Variants in SUPT16H observed in about 807,000 individuals in gnomAD.
The protein encoded by SUPT16H is SPT16 homolog, facilitates chromatin remodeling subunit.
SUPT16H carries 24 observed loss-of-function variants against 136.2 expected under a neutral mutation model. That is an observed-to-expected ratio of 0.18 (90% CI 0.13 to 0.25). SUPT16H has a LOEUF of 0.25. Among genes scored for constraint, SUPT16H ranks in the 10% least tolerant of loss-of-function variants. SUPT16H has a pLI of 1.00. For synonymous variants in SUPT16H, 415 were observed against 428.2 expected, an observed-to-expected ratio of 0.97 and a Z score of 0.38; for missense variants, 623 against 1,270.2, an observed-to-expected ratio of 0.49 and a Z score of 7.74.
At chr14:21,358,257 A>G (rs1181363084) in intron 20 of SUPT16H, 58 bp downstream of exon 20, 1 of 1,087,186 alleles carries the variant, frequency 9.2e-7, no homozygotes, top group African/African-American at 1.6e-5. Context: ...AGGAAGAATA[A>G]TTTATTGTAC....
Position 21,360,907 on chromosome 14 carries a change from T to C in SUPT16H, c.1995A>G (p.Leu665=). 6.2e-7 allele frequency: 1 copy of C among 1,614,226 alleles called. No homozygotes were observed. The highest frequency in any genetic ancestry group is 8.5e-7 in the Non-Finnish European group (1 of 1,180,038). The change falls in exon 17 of 26, where the codon CTA becomes CTG. Residue 665 remains leucine (L), a synonymous_variant. Coordinates refer to ENST00000216297, the MANE Select transcript of SUPT16H (RefSeq NM_007192.4). ...LNRSNPKLKD[L]YIRPNIAQKR... ...TTTGGGCAATATTTGGGCGAATGTATAGATCTTTCAGTTTCGGATTACTCC... is the reference window on the plus strand; with the variant it reads ...TTTGGGCAATATTTGGGCGAATGTACAGATCTTTCAGTTTCGGATTACTCC...
intron 15 of SUPT16H, among the ~76,000 whole-genome samples, chr14:21,361,776 T>A (rs12587448): frequency 0.35 from 52,956 of 151,682 alleles, 10,386 homozygotes; most frequent in South Asian, 0.53. Context: ...CATAATTATT[T>A]TTTTTTTGAG....
In SUPT16H at chr14:21,357,913, TAAG is replaced by T. The variant is rs748816762; in HGVS notation, c.2490+11_2490+13del. 1.2e-6 allele frequency: 2 copies of T among 1,610,772 alleles called. No homozygotes were observed. Among genetic ancestry groups the T allele is most frequent in the Non-Finnish European group, 1.7e-6 (2 of 1,177,606 alleles). On this transcript the variant is annotated intron_variant, in intron 21 of 25. Coordinates refer to ENST00000216297, the MANE Select transcript of SUPT16H (RefSeq NM_007192.4). ...TAACAATTTTCTTACTAAAAGAAAGTAAGAAACACTCACCCATTCCGTAGCATT... is the reference window on the plus strand; with the variant it reads ...TAACAATTTTCTTACTAAAAGAAAGTAAACACTCACCCATTCCGTAGCATT...
intron 1 of SUPT16H, among the ~76,000 whole-genome samples, chr14:21,382,462 G>A (rs548982183): frequency 6.6e-6 from 1 of 152,302 alleles, no homozygotes; most frequent in African/African-American, 2.4e-5. Flanking sequence ...GGAAGTGAGA[G>A]CTATAGATTA....
intron 1 of SUPT16H, among the ~76,000 whole-genome samples, chr14:21,378,199 T>C (rs184187412): frequency 6.6e-6 from 1 of 152,188 alleles, no homozygotes; most frequent in East Asian, 1.9e-4. Context: ...AGGTTGCTCT[T>C]AAGAAACAGA....
intron 1 of SUPT16H, 76 bp downstream of exon 1, chr14:21,383,786 A>T (rs1292895447): frequency 6.4e-7 from 1 of 1,556,226 alleles, no homozygotes; most frequent in South Asian, 1.1e-5. Flanking sequence ...GAAAGAGAAA[A>T]AAGGGCGCCG....
intron 22 of SUPT16H, among the ~76,000 whole-genome samples, chr14:21,355,291 G>A (rs1215655477): frequency 2.6e-5 from 4 of 151,940 alleles, no homozygotes; most frequent in Non-Finnish European, 4.4e-5. Flanking sequence ...TCAGGAGATC[G>A]AGACCATCTT....
At chr14:21,381,808 C>G (rs1255746546) in intron 1 of SUPT16H, among the ~76,000 whole-genome samples, 1 of 136,804 alleles carries the variant, frequency 7.3e-6, no homozygotes, top group Non-Finnish European at 1.6e-5. Flanking sequence ...TTTGTAGAGA[C>G]GGGGGTCTCA....
At chr14:21,369,546 T>C (rs1021281554) in intron 5 of SUPT16H, 191 bp from the exon 6 acceptor site, 1 of 964,846 alleles carries the variant, frequency 1.0e-6, no homozygotes, top group Non-Finnish European at 1.5e-6. Flanking sequence ...GCTATTCCTA[T>C]GATTCTCAAG....
chr14:21,369,894 T>A lies in SUPT16H; in HGVS notation c.486A>T (p.Ile162=), dbSNP rs45500696. ...TATATGCCACAACTGCACTGATATC[T>A]ATCTGCAGTCAAAGTGACAAGAGTT... is the stretch of plus-strand genomic sequence containing the variant. ...DCLNKEGFDK[I]DISAVVAYTI... The change falls in exon 5 of 26, where the codon ATA becomes ATT. Residue 162 remains isoleucine, a splice_region_variant and synonymous_variant. Coordinates refer to ENST00000216297, the MANE Select transcript of SUPT16H (RefSeq NM_007192.4). 3.4e-3 allele frequency: 5,537 copies of A among 1,613,298 alleles called. 23 individuals are homozygous for A. Among genetic ancestry groups the A allele is most frequent in the Admixed American group, 4.8e-3 (288 of 59,932 alleles).
chr14:21,382,621 A>G (rs1251115569), intron 1 of SUPT16H, among the ~76,000 whole-genome samples: 1 of 152,232 alleles, frequency 6.6e-6, no homozygotes, highest in Non-Finnish European at 1.5e-5. Context: ...TGATCATTAG[A>G]AAGTATCAAG....
chr14:21,380,327 T>TCTCTGGG (rs1409803429), intron 1 of SUPT16H, among the ~76,000 whole-genome samples: 1 of 57,974 alleles, frequency 1.7e-5, no homozygotes, highest in African/African-American at 5.4e-5. Flanking sequence ...AAATGGGCTC[T>TCTCTGGG]CTCTCACTAT....
chr14:21,366,832 G>T (rs926227631), intron 7 of SUPT16H, among the ~76,000 whole-genome samples: 1 of 151,972 alleles, frequency 6.6e-6, no homozygotes, highest in African/African-American at 2.4e-5. Flanking sequence ...ATTTTTTGTA[G>T]AGACATGGTC....
At chr14:21,372,219 C>T in intron 2 of SUPT16H, 175 bp from the exon 3 acceptor site, 1 of 625,562 alleles carries the variant, frequency 1.6e-6, no homozygotes, top group South Asian at 2.3e-5. Flanking sequence ...CAAGAGTCGA[C>T]AATTTATTAG....
intron 1 of SUPT16H, among the ~76,000 whole-genome samples, chr14:21,378,976 C>A (rs1440463495): frequency 6.6e-6 from 1 of 152,154 alleles, no homozygotes; most frequent in African/African-American, 2.4e-5. Flanking sequence ...AGCAGCAGAA[C>A]AACTATCTTC....
chr14:21,375,117 G>A (rs1447222298), intron 1 of SUPT16H, among the ~76,000 whole-genome samples: 6 of 151,760 alleles, frequency 4.0e-5, no homozygotes, highest in Non-Finnish European at 8.8e-5. Context: ...AGGTTCAAGC[G>A]ATTCTTGTGC....
chr14:21,351,587 C>T lies in SUPT16H; in HGVS notation c.*1086G>A, dbSNP rs552518469. ...AGAAAAAACAAACAAACATAAAATC[C>T]GGGACCCCTCCCCCCTTCTTCTCTT... On this transcript the variant is annotated 3_prime_UTR_variant, in exon 26 of 26. Transcript: ENST00000216297. 174 of 165,148 alleles carry T rather than the reference C, an allele frequency of 1.1e-3. No homozygotes were observed. Among genetic ancestry groups the T allele is most frequent in the Non-Finnish European group, 1.8e-3 (141 of 76,368 alleles). 10.2% of individuals were successfully genotyped at this position (165,148 alleles called of 1,614,324 possible).
chr14:21,366,225 A>C (rs949380397), intron 8 of SUPT16H, among the ~76,000 whole-genome samples: 12 of 152,254 alleles, frequency 7.9e-5, no homozygotes, highest in Non-Finnish European at 4.4e-5. Flanking sequence ...ATGGGCTGGA[A>C]CACCACACTG....
At chr14:21,378,481 G>A (rs1208011800) in intron 1 of SUPT16H, among the ~76,000 whole-genome samples, 1 of 152,176 alleles carries the variant, frequency 6.6e-6, no homozygotes, top group African/African-American at 2.4e-5. Context: ...TTATGAAGAA[G>A]GATGGATGTG....
Sources: gnomAD v4.1 joint callset for allele counts (sites outside exome capture counted in the v4.1 genomes callset) on GRCh38, gnomAD v4.1.1 for gene constraint, MANE v1.5 for transcripts, NCBI Gene and HGNC (gene_info 2026-07-23, HGNC 2026-07-21) for gene names.